The following DYTN variants were observed in gnomAD, a reference collection of about 807,000 sequenced individuals.
DYTN encodes the protein dystrotelin.
In DYTN, 75 loss-of-function variants were observed where a neutral mutation model predicts 69.6. The observed-to-expected ratio is 1.08, with a 90% CI of 0.89 to 1.31. The LOEUF (loss-of-function observed/expected upper bound fraction) is 1.31. Ranked by LOEUF, DYTN falls within the 50% of genes most tolerant of loss-of-function variation. The pLI is 0.00. For missense variants in DYTN, 726 were observed against 688.4 expected (o/e 1.05, Z -0.61); for synonymous variants, 252 against 249.1 (o/e 1.01, Z -0.11).
At chr2:206,713,182 G>A (rs547062796) in intron 1 of DYTN, among the ~76,000 whole-genome samples, 24 of 152,214 alleles carry the variant, frequency 1.6e-4, no homozygotes, top group Admixed American at 8.5e-4. Context: ...TGTGTATCTC[G>A]TGGAATGGCT....
At chr2:206,685,973 G>A (rs1699801175) in intron 9 of DYTN, among the ~76,000 whole-genome samples, 1 of 129,018 alleles carries the variant, frequency 7.8e-6, no homozygotes, top group African/African-American at 3.2e-5. Context: ...AAGAACTACA[G>A]AAATAGAGTG....
chr2:206,706,460 T>C (rs1030841605), intron 3 of DYTN, among the ~76,000 whole-genome samples: 5 of 150,012 alleles, frequency 3.3e-5, no homozygotes, highest in Admixed American at 2.0e-4. Flanking sequence ...AACTTGAGAA[T>C]GTATGTATAT....
At chr2:206,656,130 T>C (rs72958651) in intron 11 of DYTN, among the ~76,000 whole-genome samples, 13,343 of 152,194 alleles carry the variant, frequency 0.088, 747 homozygotes, top group Admixed American at 0.14. Flanking sequence ...CCTTCAGTTT[T>C]GTCAATAATT....
chr2:206,697,055 G>T (rs552119993), intron 7 of DYTN, among the ~76,000 whole-genome samples: 2 of 152,298 alleles, frequency 1.3e-5, no homozygotes, highest in South Asian at 2.1e-4. Context: ...TCAATGAAGT[G>T]TACAACATAA....
At chr2:206,718,163 T>C (rs1700145830) in intron 1 of DYTN, 98 bp downstream of exon 1, 2 of 1,315,226 alleles carry the variant, frequency 1.5e-6, no homozygotes, top group African/African-American at 1.5e-5. Context: ...ATTTGCCAAA[T>C]GTTTACTCTT....
chr2:206,684,637 T>C (rs918552590), intron 9 of DYTN, among the ~76,000 whole-genome samples: 2 of 152,184 alleles, frequency 1.3e-5, no homozygotes, highest in East Asian at 1.9e-4. Flanking sequence ...TTCTAACCAA[T>C]AGAGAGGTTG....
intron 9 of DYTN, among the ~76,000 whole-genome samples, chr2:206,680,805 C>A (rs895125279): frequency 1.3e-5 from 2 of 152,304 alleles, no homozygotes; most frequent in South Asian, 4.1e-4. Context: ...TAATTCTCCC[C>A]TGTTGCACCA....
At chr2:206,681,857 C>T (rs1574594257) in intron 9 of DYTN, among the ~76,000 whole-genome samples, 1 of 152,164 alleles carries the variant, frequency 6.6e-6, no homozygotes, top group Non-Finnish European at 1.5e-5. Context: ...TATGTCTCTG[C>T]CAGGTTTTGG....
At chr2:206,704,784 TA>T in intron 5 of DYTN, 58 bp downstream of exon 5, 1 of 1,434,464 alleles carries the variant, frequency 7.0e-7, no homozygotes, top group African/African-American at 1.4e-5. Context: ...GATTCTTTAA[TA>T]ATAAATGTGG....
chr2:206,702,558 G>A (rs1699986184), intron 5 of DYTN, among the ~76,000 whole-genome samples: 1 of 152,214 alleles, frequency 6.6e-6, no homozygotes, highest in African/African-American at 2.4e-5. Flanking sequence ...TTTAGCCTTT[G>A]TCTGAAAGCA....
intron 11 of DYTN, among the ~76,000 whole-genome samples, chr2:206,655,205 T>C (rs1699433811): frequency 1.3e-5 from 2 of 152,088 alleles, no homozygotes; most frequent in Non-Finnish European, 2.9e-5. Context: ...TATTGAATTC[T>C]GTAAAATGCT....
At chr2:206,716,923 C>T (rs990883276) in intron 1 of DYTN, among the ~76,000 whole-genome samples, 2 of 152,054 alleles carry the variant, frequency 1.3e-5, no homozygotes, top group Non-Finnish European at 2.9e-5. Flanking sequence ...TGAAGTTAGG[C>T]AGCATAACAC....
At chr2:206,655,877 T>A (rs898828701) in intron 11 of DYTN, among the ~76,000 whole-genome samples, 1 of 152,224 alleles carries the variant, frequency 6.6e-6, no homozygotes, top group African/African-American at 2.4e-5. Context: ...GTTCTTAAAT[T>A]TGTTAAGACT....
chr2:206,685,235 C>T (rs1040319769), intron 9 of DYTN, among the ~76,000 whole-genome samples: 2 of 151,976 alleles, frequency 1.3e-5, no homozygotes, highest in African/African-American at 4.8e-5. Flanking sequence ...AATCACTGCT[C>T]ACTGTAGCCT....
chr2:206,700,601 C>CT (rs11436601), intron 5 of DYTN, among the ~76,000 whole-genome samples: 74,138 of 148,826 alleles, frequency 0.5, 19,182 homozygotes, highest in South Asian at 0.68. Flanking sequence ...AATATATATA[C>CT]TTTTTTTTTT....
chr2:206,693,170 C>T lies in DYTN; in HGVS notation c.980+5G>A. ...TGGGATCAGCCAATCCTCGCAGCCA[C>T]TCACCTGGCCTGCGCATGGTGAGGC... On this transcript the variant is annotated splice_donor_5th_base_variant and intron_variant, in intron 9 of 11. Transcript: ENST00000452335. 6.2e-7 allele frequency: 1 copy of T among 1,606,080 alleles called. No homozygotes were observed. The highest frequency in any genetic ancestry group is 8.5e-7 in the Non-Finnish European group (1 of 1,177,254).
chr2:206,695,166 A>G (rs1230547371), intron 7 of DYTN, among the ~76,000 whole-genome samples: 3 of 152,216 alleles, frequency 2.0e-5, no homozygotes, highest in Non-Finnish European at 1.5e-5. Flanking sequence ...TGCCTTCTAT[A>G]TGCAGGGTGC....
At chr2:206,685,790 A>G (rs1699799318) in intron 9 of DYTN, among the ~76,000 whole-genome samples, 1 of 152,000 alleles carries the variant, frequency 6.6e-6, no homozygotes, top group South Asian at 2.1e-4. Flanking sequence ...CCCCTTACAT[A>G]ACTTTGCATT....
chr2:206,654,537 G>T (rs899787485), intron 11 of DYTN, among the ~76,000 whole-genome samples: 1 of 152,020 alleles, frequency 6.6e-6, no homozygotes, highest in Non-Finnish European at 1.5e-5. Context: ...TACTGGTAAG[G>T]CTTCTGTTCA....
Sources: gnomAD v4.1 joint callset for allele counts (sites outside exome capture counted in the v4.1 genomes callset) on GRCh38, gnomAD v4.1.1 for gene constraint, MANE v1.5 for transcripts, NCBI Gene and HGNC (gene_info 2026-07-23, HGNC 2026-07-21) for gene names.